The following CASKIN2 variants were observed in gnomAD, a reference collection of about 807,000 sequenced individuals.
CASKIN2 encodes caskin-2.
In CASKIN2, 41 loss-of-function variants were observed where a neutral mutation model predicts 107.1. The observed-to-expected ratio is 0.38, with a 90% CI of 0.30 to 0.50. The LOEUF (loss-of-function observed/expected upper bound fraction) is 0.50. Ranked by LOEUF, CASKIN2 falls within the 20% of genes least tolerant of loss-of-function variation. The pLI, the probability that CASKIN2 is intolerant of heterozygous loss-of-function variation, is 0.92. For missense variants in CASKIN2, 1,546 were observed against 1,657.4 expected (o/e 0.93, Z 1.17); for synonymous variants, 724 against 705.6 (o/e 1.03, Z -0.41).
intron 1 of CASKIN2, among the ~76,000 whole-genome samples, chr17:75,514,656 C>T (rs903696651): frequency 6.6e-6 from 1 of 152,228 alleles, no homozygotes; most frequent in Non-Finnish European, 1.5e-5. Flanking sequence ...CCCCCAGATT[C>T]CTCCCTACGG....
chr17:75,504,805 G>A lies in CASKIN2; in HGVS notation c.1192+7C>T. 3.7e-6 allele frequency: 6 copies of A among 1,607,246 alleles called. No homozygotes were observed. Among genetic ancestry groups the A allele is most frequent in the Non-Finnish European group, 5.1e-6 (6 of 1,177,252 alleles). On this transcript the variant is annotated splice_region_variant and intron_variant, in intron 11 of 19. Coordinates refer to ENST00000321617, the MANE Select transcript of CASKIN2 (RefSeq NM_020753.5). The stretch of plus-strand genomic sequence containing the variant: ...AGTGCCCAGCACTGCCCCCTGGGAG[G>A]ATGTACCTGGGCTGTCTGGGCTGAG...
rs1378474552 is a variant in CASKIN2, at chr17:75,501,172, T to C, written c.3519-2A>G. 1.5e-5 allele frequency: 24 copies of C among 1,582,116 alleles called. No individual in the cohort carries two copies. The Admixed American group carries it at 4.4e-4, about 29-fold the overall frequency. The stretch of plus-strand genomic sequence containing the variant: ...TGCTTGGTGGAGGCGCTGGGGGTGC[T>C]GCAGCAAGGGGAAGGATGCGGTCAG... On this transcript the variant is annotated splice_acceptor_variant, in intron 19 of 19. Transcript: ENST00000321617. LOFTEE classifies it high-confidence loss of function.
In CASKIN2 at chr17:75,505,221, G is replaced by C; in HGVS notation, c.931-148C>G. On this transcript the variant is annotated intron_variant, in intron 10 of 19. Transcript: ENST00000321617. The surrounding 1 kb of genome is among the most constrained non-coding windows in gnomAD (Gnocchi z 5.1). The stretch of plus-strand genomic sequence containing the variant: ...GCCTCTGATGCCCACACTGGCCCAA[G>C]TTCCGCCCCTGCTGCCAGCAGCCAG... 2 of 894,310 alleles carry C rather than the reference G, an allele frequency of 2.2e-6. No homozygotes were observed. The highest frequency in any genetic ancestry group is 3.4e-6 in the Non-Finnish European group (2 of 580,726). The allele number at this position is 894,310 out of a possible 1,614,324, so 55.4% of individuals were successfully genotyped here. A position where few individuals can be genotyped will look rare whatever the true frequency, so the allele number is the denominator to read the frequency against.
In CASKIN2 at chr17:75,505,861, G is replaced by A. The variant is rs901770057; in HGVS notation, c.795C>T (p.Thr265=). The A allele has an allele frequency of 2.5e-6, 4 of 1,613,406 alleles. No individual in the cohort carries two copies. Among genetic ancestry groups the A allele is most frequent in the South Asian group, 1.1e-5 (1 of 91,064 alleles). Residue 265 remains threonine, a synonymous_variant, in exon 9 of 20, where the codon ACC becomes ACT. Coordinates refer to ENST00000321617, the MANE Select transcript of CASKIN2 (RefSeq NM_020753.5). The surrounding 1 kb of genome is among the most constrained non-coding windows in gnomAD (Gnocchi z 5.1). ...QTALDIVNQF[T]TSQASREIKQ... ...TGATTTCCCGGCTGGCCTGGGAGGTGGTGAACTGATTCACTATGTCCAGCG... is the reference window on the plus strand; with the variant it reads ...TGATTTCCCGGCTGGCCTGGGAGGTAGTGAACTGATTCACTATGTCCAGCG...
Position 75,501,004 on chromosome 17 carries a change from G to T in CASKIN2, c.*76C>A. On this transcript the variant is annotated 3_prime_UTR_variant, in exon 20 of 20. Coordinates refer to ENST00000321617, the MANE Select transcript of CASKIN2 (RefSeq NM_020753.5). ...CTGACCAGCCCTTGGCCCGTCCCTA[G>T]GGTGGCAGGGGCCTCTTCTGTGCTG... is the stretch of plus-strand genomic sequence containing the variant. The T allele has an allele frequency of 7.2e-7, 1 of 1,391,478 alleles. No individual in the cohort carries two copies. The highest frequency in any genetic ancestry group is 1.2e-5 in the South Asian group (1 of 80,648). 86.2% of individuals were successfully genotyped at this position (1,391,478 alleles called of 1,614,324 possible).
chr17:75,501,441 T>C, intron 19 of CASKIN2, 27 bp downstream of exon 19: 1 of 1,588,944 alleles, frequency 6.3e-7, no homozygotes, highest in Non-Finnish European at 8.6e-7. Flanking sequence ...TGCAGCCTTC[T>C]CTCCCTCCCC....
chr17:75,504,794 C>A lies in CASKIN2; in HGVS notation c.1192+18G>T. The A allele has an allele frequency of 6.2e-7, 1 of 1,602,084 alleles. No homozygotes were observed. The highest frequency in any genetic ancestry group is 1.7e-5 in the Admixed American group (1 of 59,252). On this transcript the variant is annotated intron_variant, in intron 11 of 19. Coordinates refer to ENST00000321617, the MANE Select transcript of CASKIN2 (RefSeq NM_020753.5). ...CACGCCCACACAGTGCCCAGCACTG[C>A]CCCCTGGGAGGATGTACCTGGGCTG...
At chr17:75,509,643 T>C in intron 2 of CASKIN2, 1 of 985,288 alleles carries the variant, frequency 1.0e-6, no homozygotes, top group Non-Finnish European at 1.2e-6. Context: ...TTTGAGGCAG[T>C]AGAAAGAAGA....
At position 75,501,874 on chromosome 17, in the gene CASKIN2, G is replaced by C; in HGVS notation, c.3200C>G (p.Pro1067Arg). 1 of 1,563,950 alleles carries C rather than the reference G, an allele frequency of 6.4e-7. No homozygotes were observed. The highest frequency in any genetic ancestry group is 2.2e-5 in the East Asian group (1 of 44,492). The change falls in exon 18 of 20, where the codon CCA becomes CGA. Residue 1067 changes from proline (P) to arginine (R), a missense_variant. Coordinates refer to ENST00000321617, the MANE Select transcript of CASKIN2 (RefSeq NM_020753.5). Reference protein sequence around the residue: ...PAMQPPVPPCPGPGLESSAAS... With the variant: ...PAMQPPVPPCRGPGLESSAAS... The stretch of plus-strand genomic sequence containing the variant: ...TGCTGAGCTTTCCAGACCTGGCCCT[G>C]GGCAGGGCGGCACTGGAGGCTGCAT...
chr17:75,514,512 C>T (rs972186718), intron 1 of CASKIN2, among the ~76,000 whole-genome samples: 6 of 152,158 alleles, frequency 3.9e-5, no homozygotes, highest in Admixed American at 3.3e-4. Flanking sequence ...CATACTGGGG[C>T]AGGCCGGGCC....
Position 75,501,160 on chromosome 17 carries a change from C to A in CASKIN2, c.3529G>T (p.Ala1177Ser), listed in dbSNP as rs146703288. The A allele has an allele frequency of 6.3e-7, 1 of 1,587,884 alleles. No individual in the cohort carries two copies. ...TCATCCAGAATGTGCTTGGTGGAGG[C>A]GCTGGGGGTGCTGCAGCAAGGGGAA... Reference protein sequence around the residue: ...GTKEQEGTPSASTKHILDDIS... With the variant: ...GTKEQEGTPSSSTKHILDDIS... The change falls in exon 20 of 20, where the codon GCC becomes TCC. Residue 1177 changes from alanine (A) to serine (S), a missense_variant. Ala to Ser is a moderately conservative substitution (Grantham distance 99, BLOSUM62 1). Coordinates refer to ENST00000321617, the MANE Select transcript of CASKIN2 (RefSeq NM_020753.5).
Position 75,503,501 on chromosome 17 carries a change from T to C in CASKIN2, c.1707A>G (p.Ala569=). 1 of 1,611,540 alleles carries C rather than the reference T, an allele frequency of 6.2e-7. No homozygotes were observed. Among genetic ancestry groups the C allele is most frequent in the Non-Finnish European group, 8.5e-7 (1 of 1,179,718 alleles). The change falls in exon 17 of 20, where the codon GCA becomes GCG. Residue 569 remains alanine, a synonymous_variant. Transcript: ENST00000321617. ...IPTDLLEWLC[A]LGLPQYHKQL... ...GCTTGTGGTACTGTGGCAGCCCCAG[T>C]GCACACAGCCACTCCAGCAGGTCCG...
chr17:75,503,594 A>T (rs1302525502), intron 16 of CASKIN2, 65 bp downstream of exon 16: 1 of 1,603,924 alleles, frequency 6.2e-7, no homozygotes, highest in Non-Finnish European at 8.5e-7. Flanking sequence ...GAGAAAAGGC[A>T]CCGCAAAGCC....
chr17:75,501,652 G>C lies in CASKIN2; in HGVS notation c.3334C>G (p.Leu1112Val), dbSNP rs375246359. ...GCTAGCTTAGGGCCAGAAAATGCCA[G>C]CTGGGTGCAGGCCACCGACACAGGC... is the stretch of plus-strand genomic sequence containing the variant. ...PKPVSVACTQ[L>V]AFSGPKLAPR... The change falls in exon 19 of 20, where the codon CTG (leucine) becomes GTG (valine). Residue 1112 changes from leucine to valine, a missense_variant. This residue lies in a region of CASKIN2 where 1,311 missense variants were observed against 1,311.0 expected (regional missense o/e 1.00). Coordinates refer to ENST00000321617, the MANE Select transcript of CASKIN2 (RefSeq NM_020753.5). 6.3e-7 allele frequency: 1 copy of C among 1,589,032 alleles called. No individual in the cohort carries two copies. Among genetic ancestry groups the C allele is most frequent in the Non-Finnish European group, 8.6e-7 (1 of 1,167,106 alleles).
At chr17:75,501,254 A>C (rs1353856989) in intron 19 of CASKIN2, 84 bp from the exon 20 acceptor site, 5 of 1,336,532 alleles carry the variant, frequency 3.7e-6, no homozygotes, top group Non-Finnish European at 5.1e-6. Context: ...CATAGCTCCC[A>C]GAGGCTCAGG....
In CASKIN2 at chr17:75,505,997, A is replaced by G. The variant is rs1419770672; in HGVS notation, c.727-68T>C. 1.5e-6 allele frequency: 2 copies of G among 1,366,614 alleles called. No individual in the cohort carries two copies. The highest frequency in any genetic ancestry group is 3.7e-5 in the Admixed American group (2 of 54,400). 84.7% of individuals were successfully genotyped at this position (1,366,614 alleles called of 1,614,324 possible). On this transcript the variant is annotated intron_variant, in intron 8 of 19. Coordinates refer to ENST00000321617, the MANE Select transcript of CASKIN2 (RefSeq NM_020753.5). This position sits in a 1 kb window ranked among gnomAD's most constrained non-coding sequence, Gnocchi z 5.1. Reference sequence around the variant, plus strand: ...CACCCCTCACCCGATTCTCTCAGCTACCCGGGACATAGGTACTATTACCAT... The same window carrying G: ...CACCCCTCACCCGATTCTCTCAGCTGCCCGGGACATAGGTACTATTACCAT...
chr17:75,503,323 T>C (rs1043767262), intron 17 of CASKIN2, 66 bp downstream of exon 17: 22 of 1,582,956 alleles, frequency 1.4e-5, no homozygotes, highest in Middle Eastern at 1.7e-4. Flanking sequence ...CTGGGCCCCA[T>C]ACTGTCTTCT....
At chr17:75,512,640 G>T (rs983420453) in intron 2 of CASKIN2, among the ~76,000 whole-genome samples, 2 of 152,126 alleles carry the variant, frequency 1.3e-5, no homozygotes, top group Admixed American at 1.3e-4. Context: ...TGGTGCGGTG[G>T]CTCATGCCTG....
chr17:75,502,684 C>T lies in CASKIN2; in HGVS notation c.2390G>A (p.Arg797Gln), dbSNP rs756589076. ...GCCAGGGCGGCTTAGGCTGTGGGACCGGCGCTTAGGTCGAGGCGGGTCTGG... is the reference window on the plus strand; with the variant it reads ...GCCAGGGCGGCTTAGGCTGTGGGACTGGCGCTTAGGTCGAGGCGGGTCTGG... The part of the protein sequence containing the change: ...TPPDPPRPKR[R>Q]SHSLSRPGPT... The change falls in exon 18 of 20, where the codon CGG becomes CAG. Residue 797 changes from arginine to glutamine, a missense_variant. Transcript: ENST00000321617. This position sits in a 1 kb window ranked among gnomAD's most constrained non-coding sequence, Gnocchi z 4.3. The T allele has an allele frequency of 2.0e-5, 32 of 1,596,126 alleles. No homozygotes were observed. Among genetic ancestry groups the T allele is most frequent in the African/African-American group, 6.9e-5 (5 of 72,992 alleles).
Sources: gnomAD v4.1 joint callset for allele counts (sites outside exome capture counted in the v4.1 genomes callset) on GRCh38, gnomAD v4.1.1 for gene constraint, gnomAD v4.1.1 regional missense constraint, Gnocchi (gnomAD v3.1) non-coding constraint, MANE v1.5 for transcripts, NCBI Gene and HGNC (gene_info 2026-07-23, HGNC 2026-07-21) for gene names.